Variants in ARB2A observed in about 807,000 individuals in gnomAD.
ARB2A encodes the protein cotranscriptional regulator ARB2A.
At chr5:94,050,252 C>CTTTTT in the ARB2A span, among the ~76,000 whole-genome samples, 1 of 132,612 alleles carries the variant, frequency 7.5e-6, no homozygotes, top group Non-Finnish European at 1.6e-5. Flanking sequence ...AAAACAGAAA[C>CTTTTT]TTTTTTTTTT....
chr5:93,902,742 G>C, the ARB2A span, among the ~76,000 whole-genome samples: 3 of 152,026 alleles, frequency 2.0e-5, no homozygotes, highest in African/African-American at 7.2e-5. Context: ...CTCTCCAAAT[G>C]TATGATTAGC....
the ARB2A span, among the ~76,000 whole-genome samples, chr5:94,043,534 G>A: frequency 6.6e-6 from 1 of 152,196 alleles, no homozygotes; most frequent in Admixed American, 6.5e-5. Flanking sequence ...ATTTTACCAA[G>A]TCTTTGACTG....
the ARB2A span, among the ~76,000 whole-genome samples, chr5:93,951,194 ATTGAG>A: frequency 6.6e-6 from 1 of 151,990 alleles, no homozygotes; most frequent in African/African-American, 2.4e-5. Flanking sequence ...TCTTTTTCCT[ATTGAG>A]TTGTTTGAGC....
the ARB2A span, among the ~76,000 whole-genome samples, chr5:93,691,376 A>G: frequency 6.6e-6 from 1 of 152,010 alleles, no homozygotes; most frequent in Non-Finnish European, 1.5e-5. Context: ...AACTTCGTGA[A>G]GCATATACAA....
the ARB2A span, among the ~76,000 whole-genome samples, chr5:93,801,833 C>T: frequency 3.3e-5 from 5 of 152,124 alleles, no homozygotes; most frequent in African/African-American, 1.2e-4. Context: ...CTGCTGAATA[C>T]ACAATACAGG....
chr5:94,026,427 T>C, the ARB2A span, among the ~76,000 whole-genome samples: 315 of 152,124 alleles, frequency 2.1e-3, 1 homozygote, highest in Admixed American at 3.1e-3. Context: ...AAGAATTTCA[T>C]TGGGTGAAGA....
the ARB2A span, among the ~76,000 whole-genome samples, chr5:94,016,056 A>G: frequency 7.9e-4 from 120 of 152,320 alleles, no homozygotes; most frequent in African/African-American, 2.8e-3. Flanking sequence ...CATGTCACCT[A>G]TAAAGACACA....
At chr5:93,913,138 C>T in the ARB2A span, among the ~76,000 whole-genome samples, 8 of 151,756 alleles carry the variant, frequency 5.3e-5, no homozygotes, top group African/African-American at 1.9e-4. Context: ...CTGGTGAGAG[C>T]AGATGTGGCA....
At chr5:93,713,014 T>C in the ARB2A span, among the ~76,000 whole-genome samples, 1 of 152,164 alleles carries the variant, frequency 6.6e-6, no homozygotes, top group African/African-American at 2.4e-5. Context: ...TGCAGAAGAA[T>C]GATACTAGAC....
chr5:93,698,940 A>C, the ARB2A span, among the ~76,000 whole-genome samples: 6 of 152,206 alleles, frequency 3.9e-5, no homozygotes, highest in Non-Finnish European at 7.3e-5. Flanking sequence ...CTTCCAGGTT[A>C]CAGGAGATAG....
At chr5:94,021,750 A>C in the ARB2A span, among the ~76,000 whole-genome samples, 1 of 152,198 alleles carries the variant, frequency 6.6e-6, no homozygotes, top group South Asian at 2.1e-4. Context: ...AACTCATTAA[A>C]GTAGGACATG....
At chr5:93,991,872 T>C in the ARB2A span, among the ~76,000 whole-genome samples, 2 of 151,846 alleles carry the variant, frequency 1.3e-5, no homozygotes, top group African/African-American at 4.8e-5. Context: ...GGGTAGATCA[T>C]TTTCCAGATT....
the ARB2A span, among the ~76,000 whole-genome samples, chr5:93,631,838 G>A: frequency 3.9e-3 from 598 of 152,160 alleles, 5 homozygotes; most frequent in African/African-American, 0.014. Flanking sequence ...AGAAGCTAGC[G>A]CAGGGAAGAA....
chr5:94,098,992 T>C, the ARB2A span, among the ~76,000 whole-genome samples: 4 of 152,090 alleles, frequency 2.6e-5, no homozygotes, highest in Admixed American at 2.6e-4. Flanking sequence ...ATAAATAGCC[T>C]ACCAACCAAA....
the ARB2A span, among the ~76,000 whole-genome samples, chr5:93,886,593 T>C: frequency 4.6e-5 from 7 of 151,774 alleles, no homozygotes; most frequent in Middle Eastern, 3.4e-3. Flanking sequence ...TATGTCACTG[T>C]TGCAACATCC....
chr5:93,622,695 C>T, the ARB2A span, among the ~76,000 whole-genome samples: 1 of 152,100 alleles, frequency 6.6e-6, no homozygotes, highest in African/African-American at 2.4e-5. Flanking sequence ...AAGTCATATC[C>T]CCCAACTCAG....
chr5:93,990,780 G>A, the ARB2A span, among the ~76,000 whole-genome samples: 1 of 151,942 alleles, frequency 6.6e-6, no homozygotes, highest in Non-Finnish European at 1.5e-5. Flanking sequence ...TTCAGATAGG[G>A]GAAAACAAGC....
chr5:93,809,092 C>G, the ARB2A span, among the ~76,000 whole-genome samples: 38 of 152,066 alleles, frequency 2.5e-4, 1 homozygote, highest in African/African-American at 8.9e-4. Flanking sequence ...CATGATTCTT[C>G]TTTTAGCTAT....
the ARB2A span, chr5:93,741,784 C>T: frequency 4.0e-6 from 2 of 500,158 alleles, no homozygotes; most frequent in East Asian, 6.2e-5. Flanking sequence ...CTTCCAACTC[C>T]CATAGAGGTA....
Sources: gnomAD v4.1 joint callset for allele counts (sites outside exome capture counted in the v4.1 genomes callset) on GRCh38, gnomAD v4.1.1 for gene constraint, MANE v1.5 for transcripts, NCBI Gene and HGNC (gene_info 2026-07-23, HGNC 2026-07-21) for gene names.